The following ARL10 variants were observed in gnomAD, a reference collection of about 807,000 sequenced individuals.
ARL10 encodes ARF like GTPase 10.
A neutral mutation model predicts 26.1 loss-of-function variants in ARL10; 23 were observed. That is an observed-to-expected ratio of 0.88 (90% CI 0.63 to 1.25). The LOEUF (loss-of-function observed/expected upper bound fraction) is 1.25. ARL10 is among the 50% of genes most tolerant of loss of function. The probability of loss-of-function intolerance (pLI) is 0.00; values close to 1 mark genes in which losing one functional copy is unlikely to be tolerated. For missense variants in ARL10, 300 were observed against 323.6 expected (o/e 0.93, Z 0.56); for synonymous variants, 138 against 149.1 (o/e 0.93, Z 0.54).
At chr5:176,406,376 C>T, downstream of ARL10, 1 of 1,131,718 alleles carries the variant, frequency 8.8e-7, no homozygotes, top group Non-Finnish European at 1.1e-6. Context: ...GCTGGGCCCA[C>T]CCATGAGAAC....
intron 1 of ARL10, 37 bp from the exon 2 acceptor site, chr5:176,366,343 G>A (rs1281428073): frequency 6.4e-7 from 1 of 1,569,376 alleles, no homozygotes. Context: ...TCCTTCGGGA[G>A]GCCGCCAGCC....
chr5:176,375,272 C>T lies in ARL10; in HGVS notation c.*3377C>T, dbSNP rs1439133914. 5.8e-5 allele frequency: 3 copies of T among 51,816 alleles called. No homozygotes were observed. Among genetic ancestry groups the T allele is most frequent in the Non-Finnish European group, 1.1e-4 (3 of 26,654 alleles). The allele number at this position is 51,816 out of a possible 1,614,324, so 3.2% of individuals were successfully genotyped here. ...TCCTTCCATCCATCCACCCATCCAC[C>T]CATCCATCCATCCACCCATCCATCC... On this transcript the variant is annotated 3_prime_UTR_variant, in exon 4 of 4. Transcript: ENST00000310389.
chr5:176,408,153 T>C, the ARL10 span, among the ~76,000 whole-genome samples: 2 of 151,844 alleles, frequency 1.3e-5, no homozygotes, highest in East Asian at 1.9e-4. Context: ...TTTGTGTGTA[T>C]GCAAGGGGAA....
chr5:176,397,796 T>C, intron 1 of ARL10: 2 of 1,514,740 alleles, frequency 1.3e-6, no homozygotes, highest in Non-Finnish European at 1.8e-6. Context: ...CCCTGGCCCC[T>C]GCCAGGCAGC....
downstream of ARL10, among the ~76,000 whole-genome samples, chr5:176,403,761 G>A (rs1376102481): frequency 7.0e-6 from 1 of 143,722 alleles, no homozygotes; most frequent in Non-Finnish European, 1.5e-5. Flanking sequence ...CTGTTTTTGT[G>A]TGTGTGTGTT....
At position 176,368,995 on chromosome 5, in the gene ARL10, A is replaced by G; in HGVS notation, c.561+13A>G. On this transcript the variant is annotated intron_variant, in intron 3 of 3. Transcript: ENST00000310389. The surrounding 1 kb of genome is among the most constrained non-coding windows in gnomAD (Gnocchi z 4.1). The stretch of plus-strand genomic sequence containing the variant: ...GGCCAACAAGCAGGTGAGGGCTGTG[A>G]GAGGGCAGCTCGGTCCAGGTGACAT... The G allele has an allele frequency of 1.2e-6, 2 of 1,613,524 alleles. No individual in the cohort carries two copies. The highest frequency in any genetic ancestry group is 1.7e-6 in the Non-Finnish European group (2 of 1,179,904).
downstream of ARL10, among the ~76,000 whole-genome samples, chr5:176,393,597 G>C (rs1756355558): frequency 1.3e-5 from 2 of 152,136 alleles, no homozygotes; most frequent in African/African-American, 4.8e-5. This position sits in a 1 kb window ranked among gnomAD's most constrained non-coding sequence, Gnocchi z 4.4. Context: ...CATCCCAAGC[G>C]TCTTTCACCA....
chr5:176,366,429 G>T lies in ARL10; in HGVS notation c.233G>T (p.Arg78Leu). The part of the protein sequence containing the change: ...EEPALEELEQ[R>L]EVLVLGLDGA... ...CCGGCGCTGGAGGAGCTGGAACAGC[G>T]CGAGGTGCTGGTGCTGGGGCTGGAT... is the stretch of plus-strand genomic sequence containing the variant. The change falls in exon 2 of 4, where the codon CGC becomes CTC. Residue 78 changes from arginine to leucine, a missense_variant. Coordinates refer to ENST00000310389, the MANE Select transcript of ARL10 (RefSeq NM_173664.6). 1 of 1,612,956 alleles carries T rather than the reference G, an allele frequency of 6.2e-7. No homozygotes were observed. The highest frequency in any genetic ancestry group is 8.5e-7 in the Non-Finnish European group (1 of 1,179,900).
chr5:176,389,518 A>G, downstream of ARL10: 1 of 1,596,100 alleles, frequency 6.3e-7, no homozygotes, highest in Non-Finnish European at 8.5e-7. Flanking sequence ...TGGCCTTGAA[A>G]GCTCCGCAGA....
chr5:176,378,329 T>G lies in ARL10; in HGVS notation c.*6434T>G, dbSNP rs907877943. ...CCAGGGCAGTCCCTTGATATTCAGG[T>G]TCAGCTTTCCATGTATGGGCTTCAA... On this transcript the variant is annotated 3_prime_UTR_variant, in exon 4 of 4. Coordinates refer to ENST00000310389, the MANE Select transcript of ARL10 (RefSeq NM_173664.6). The G allele has an allele frequency of 1.3e-5, 2 of 152,198 alleles. No individual in the cohort carries two copies. The highest frequency in any genetic ancestry group is 4.8e-5 in the African/African-American group (2 of 41,454). The allele number at this position is 152,198 out of a possible 1,614,324, so 9.4% of individuals were successfully genotyped here.
Position 176,381,124 on chromosome 5 carries a change from A to C in ARL10, c.*9229A>C, listed in dbSNP as rs563981244. The stretch of plus-strand genomic sequence containing the variant: ...TCCCAGACTCCTTGGATTGAAACAA[A>C]CCCGTTATCAAAAGGATAACCTACC... On this transcript the variant is annotated 3_prime_UTR_variant, in exon 4 of 4. Coordinates refer to ENST00000310389, the MANE Select transcript of ARL10 (RefSeq NM_173664.6). 1 of 152,264 alleles carries C rather than the reference A, an allele frequency of 6.6e-6. No homozygotes were observed. The highest frequency in any genetic ancestry group is 2.1e-4 in the South Asian group (1 of 4,816). The allele number at this position is 152,264 out of a possible 1,614,324, so 9.4% of individuals were successfully genotyped here. A position where few individuals can be genotyped will look rare whatever the true frequency, so the allele number is the denominator to read the frequency against.
chr5:176,414,899 A>G, the ARL10 span, among the ~76,000 whole-genome samples: 5 of 152,250 alleles, frequency 3.3e-5, no homozygotes, highest in African/African-American at 1.2e-4. Context: ...GACACACAGT[A>G]GGTGCTCAGT....
chr5:176,410,344 CT>C, the ARL10 span: 1 of 1,588,378 alleles, frequency 6.3e-7, no homozygotes, highest in Non-Finnish European at 8.6e-7. Flanking sequence ...CACTGTTTAG[CT>C]TATAGCAAGC....
chr5:176,386,091 G>C (rs1755823899), downstream of ARL10: 1 of 152,780 alleles, frequency 6.5e-6, no homozygotes, highest in Non-Finnish European at 1.5e-5. Flanking sequence ...AAGGTTTTAG[G>C]GACCTGTTGC....
Position 176,372,916 on chromosome 5 carries a change from G to T in ARL10, c.*1021G>T. On this transcript the variant is annotated 3_prime_UTR_variant, in exon 4 of 4. Coordinates refer to ENST00000310389, the MANE Select transcript of ARL10 (RefSeq NM_173664.6). ...AACTTAGGAAAATAGCTGGAATCAT[G>T]AATGACAATGAGATAACATACAGAT... 1 of 398,698 alleles carries T rather than the reference G, an allele frequency of 2.5e-6. No individual in the cohort carries two copies. The highest frequency in any genetic ancestry group is 4.4e-6 in the Non-Finnish European group (1 of 226,080). The allele number at this position is 398,698 out of a possible 1,614,324, so 24.7% of individuals were successfully genotyped here.
chr5:176,399,339 T>C (rs954584212), intron 1 of ARL10, among the ~76,000 whole-genome samples: 3 of 152,204 alleles, frequency 2.0e-5, no homozygotes, highest in Non-Finnish European at 2.9e-5. Context: ...GGGAAAGAAC[T>C]TGGACTCTGC....
Position 176,377,074 on chromosome 5 carries a change from GA to G in ARL10, c.*5180del, listed in dbSNP as rs1561776740. 1 of 152,228 alleles carries G rather than the reference GA, an allele frequency of 6.6e-6. No individual in the cohort carries two copies. Among genetic ancestry groups the G allele is most frequent in the African/African-American group, 2.4e-5 (1 of 41,464 alleles). 9.4% of individuals were successfully genotyped at this position (152,228 alleles called of 1,614,324 possible). ...TAGGAACTACGTGAAGTTCTGTTAG[GA>G]GCACAGGCTTTCTAGTAACTATTTC... On this transcript the variant is annotated 3_prime_UTR_variant, in exon 4 of 4. Transcript: ENST00000310389. This position sits in a 1 kb window ranked among gnomAD's most constrained non-coding sequence, Gnocchi z 4.5.
At chr5:176,401,386 A>C (rs1047761896) in intron 1 of ARL10, among the ~76,000 whole-genome samples, 3 of 152,158 alleles carry the variant, frequency 2.0e-5, no homozygotes, top group Non-Finnish European at 2.9e-5. Context: ...TCTGACCACC[A>C]CCCAATCCCC....
chr5:176,388,597 G>GT (rs1756093034), exon 2 of ARL10: 1 of 1,498,896 alleles, frequency 6.7e-7, no homozygotes, highest in Non-Finnish European at 9.2e-7. Flanking sequence ...CAGACCTCGT[G>GT]TAACAAACTC....
Sources: gnomAD v4.1 joint callset for allele counts (sites outside exome capture counted in the v4.1 genomes callset) on GRCh38, gnomAD v4.1.1 for gene constraint, Gnocchi (gnomAD v3.1) non-coding constraint, MANE v1.5 for transcripts, NCBI Gene and HGNC (gene_info 2026-07-23, HGNC 2026-07-21) for gene names.